The following FRYL variants were observed in gnomAD, a reference collection of about 807,000 sequenced individuals.
FRYL encodes protein furry homolog-like.
A neutral mutation model predicts 351.2 loss-of-function variants in FRYL; 150 were observed. That is an observed-to-expected ratio of 0.43 (90% confidence interval 0.37 to 0.49). The LOEUF is 0.49. FRYL is among the 20% of genes least tolerant of loss of function. The pLI is 0.00. For missense variants in FRYL, 3,036 were observed against 3,619.3 expected, an observed-to-expected ratio of 0.84 and a Z score of 4.13; for synonymous variants, 1,153 against 1,257.1, an observed-to-expected ratio of 0.92 and a Z score of 1.75.
In FRYL at chr4:48,671,097, C is replaced by A. The variant is rs559752363; in HGVS notation, c.-81+13576G>T. Among the ~76,000 whole-genome samples, 27 of 152,270 alleles carry A rather than the reference C, an allele frequency of 1.8e-4. 1 individual carries two copies. In the South Asian group the frequency reaches 5.4e-3, roughly 30 times the overall value. ...TACAAGGGTTCGCTTTTCTCCACAT[C>A]CTCACCAGCGTTTGTTACTGCCTGT... On this transcript the variant is annotated intron_variant, in intron 3 of 63. Transcript: ENST00000358350.
intron 2 of FRYL, among the ~76,000 whole-genome samples, chr4:48,690,196 C>A (rs1272972250): frequency 6.6e-6 from 1 of 151,944 alleles, no homozygotes; most frequent in Non-Finnish European, 1.5e-5. Flanking sequence ...TGAGCCACCG[C>A]GCCCGGCCAG....
At chr4:48,596,087 A>G (rs1744524682) in intron 13 of FRYL, 87 bp from the exon 14 acceptor site, 1 of 862,948 alleles carries the variant, frequency 1.2e-6, no homozygotes, top group Non-Finnish European at 1.8e-6. Flanking sequence ...ACTAAAAGCC[A>G]ATCTTTTTTG....
chr4:48,672,887 C>A (rs1316642708), intron 3 of FRYL, among the ~76,000 whole-genome samples: 1 of 152,182 alleles, frequency 6.6e-6, no homozygotes, highest in Non-Finnish European at 1.5e-5. Flanking sequence ...TTCCTCTACC[C>A]AACATTAAGA....
At chr4:48,777,292 C>T (rs1329442443) in intron 1 of FRYL, among the ~76,000 whole-genome samples, 4 of 152,154 alleles carry the variant, frequency 2.6e-5, no homozygotes, top group African/African-American at 7.2e-5. Flanking sequence ...GAACAAAGAA[C>T]CTCTAGATTG....
chr4:48,557,682 G>A lies in FRYL; in HGVS notation c.3896C>T (p.Pro1299Leu). The A allele has an allele frequency of 6.2e-7, 1 of 1,614,128 alleles. No homozygotes were observed. Among genetic ancestry groups the A allele is most frequent in the Non-Finnish European group, 8.5e-7 (1 of 1,180,002 alleles). Residue 1299 changes from proline to leucine, a missense_variant, in exon 34 of 64, where the codon CCT (proline) becomes CTT (leucine). Pro to Leu is a moderately conservative substitution (Grantham distance 98). This residue lies in a region of FRYL where 1,987 missense variants were observed against 2,311.7 expected (regional missense o/e 0.86). Coordinates refer to ENST00000358350, the MANE Select transcript of FRYL (RefSeq NM_015030.2). The part of the protein sequence containing the change: ...EISQRIQTAH[P>L]AGRQVMLHYL... ...GTGCAGCATCACCTGCCGCCCAGCA[G>A]GGTGAGCTGTCTGGATTCTCTGGCT...
chr4:48,708,575 G>A lies in FRYL; in HGVS notation c.-204+1944C>T, dbSNP rs1367179197. The stretch of plus-strand genomic sequence containing the variant: ...TATAAAAAGATGTATATATCCGCAA[G>A]GTTATGCATTTATATTATACCATTT... On this transcript the variant is annotated intron_variant, in intron 2 of 63. Coordinates refer to ENST00000358350, the MANE Select transcript of FRYL (RefSeq NM_015030.2). Among the ~76,000 whole-genome samples the A allele has an allele frequency of 3.3e-5, 5 of 152,284 alleles. No homozygotes were observed. The East Asian group carries it at 9.6e-4, about 29-fold the overall frequency.
chr4:48,527,686 A>C, intron 52 of FRYL, 33 bp from the exon 53 acceptor site: 1 of 1,574,124 alleles, frequency 6.4e-7, no homozygotes, highest in Non-Finnish European at 8.6e-7. Flanking sequence ...AAAAAAGTCC[A>C]TCCATCAGAT....
intron 12 of FRYL, among the ~76,000 whole-genome samples, chr4:48,602,685 A>G (rs770051919): frequency 3.9e-5 from 6 of 152,156 alleles, no homozygotes; most frequent in Admixed American, 6.6e-5. Context: ...AACTTTCTCC[A>G]AGCTACGTAA....
At chr4:48,544,136 T>C (rs7683398) in intron 43 of FRYL, 139 bp from the exon 44 acceptor site, 329,417 of 667,630 alleles carry the variant, frequency 0.49, 83,184 homozygotes, top group South Asian at 0.61. Context: ...TGCTTTTTCT[T>C]TGCTTAAACT....
At chr4:48,610,685 TTATATACA>T (rs2149281372) in intron 7 of FRYL, among the ~76,000 whole-genome samples, 1 of 146,142 alleles carries the variant, frequency 6.8e-6, no homozygotes, top group Non-Finnish European at 1.5e-5. Context: ...ATATTATATA[TTATATACA>T]TATATTATAT....
intron 45 of FRYL, among the ~76,000 whole-genome samples, chr4:48,541,445 AAAGG>A (rs1178103141): frequency 4.6e-5 from 7 of 152,208 alleles, no homozygotes; most frequent in Admixed American, 2.6e-4. Flanking sequence ...GCTGTATAGA[AAAGG>A]AAGGAATATT....
rs777796597 is a variant in FRYL, at chr4:48,575,254, T to A, written c.2722-13A>T. The stretch of plus-strand genomic sequence containing the variant: ...GGATGCCAATAATCTGGAAAAAAAA[T>A]ATCGTATTTGTAACAGCCACTAATG... On this transcript the variant is annotated splice_polypyrimidine_tract_variant and intron_variant, in intron 24 of 63. Coordinates refer to ENST00000358350, the MANE Select transcript of FRYL (RefSeq NM_015030.2). 9.3e-6 allele frequency: 15 copies of A among 1,611,810 alleles called. No individual in the cohort carries two copies. In the African/African-American group the frequency reaches 1.5e-4, roughly 16 times the overall value.
intron 2 of FRYL, among the ~76,000 whole-genome samples, chr4:48,687,255 T>C (rs1042873855): frequency 6.6e-6 from 1 of 152,148 alleles, no homozygotes; most frequent in Non-Finnish European, 1.5e-5. Flanking sequence ...GGTCATGCTA[T>C]ACAAATAACC....
Position 48,590,670 on chromosome 4 carries a change from G to T in FRYL, c.1496C>A (p.Ala499Glu). ...FLNKTLTDEE[A>E]KVIGMSVYYP... ...TCAATTAAACTAACCTATGACTTTT[G>T]CTTCTTCATCTGTCAAGGTTTTATT... Residue 499 changes from alanine to glutamate, a missense_variant, in exon 17 of 64, where the codon GCA becomes GAA. Around this residue, in one of 7 missense-constraint regions of FRYL, gnomAD observed 78 missense variants for 106.6 expected, o/e 0.73. Coordinates refer to ENST00000358350, the MANE Select transcript of FRYL (RefSeq NM_015030.2). 1 of 1,603,374 alleles carries T rather than the reference G, an allele frequency of 6.2e-7. No homozygotes were observed. The highest frequency in any genetic ancestry group is 8.5e-7 in the Non-Finnish European group (1 of 1,172,976).
At chr4:48,716,150 T>G (rs1299395238) in intron 1 of FRYL, among the ~76,000 whole-genome samples, 2 of 152,062 alleles carry the variant, frequency 1.3e-5, no homozygotes, top group African/African-American at 2.4e-5. Context: ...ACTTAAACGT[T>G]AGACCTAAAA....
At chr4:48,535,202 T>C (rs1335066991) in intron 48 of FRYL, among the ~76,000 whole-genome samples, 1 of 152,162 alleles carries the variant, frequency 6.6e-6, no homozygotes, top group Non-Finnish European at 1.5e-5. Flanking sequence ...TTGTATGCTG[T>C]AATTATTATT....
intron 1 of FRYL, among the ~76,000 whole-genome samples, chr4:48,748,953 A>T (rs1173918692): frequency 2.0e-5 from 3 of 152,234 alleles, no homozygotes; most frequent in African/African-American, 7.2e-5. Context: ...GGTGGACATC[A>T]GGAGTAAGAA....
chr4:48,624,540 C>A (rs1483507062), intron 4 of FRYL, among the ~76,000 whole-genome samples: 1 of 152,146 alleles, frequency 6.6e-6, no homozygotes, highest in African/African-American at 2.4e-5. Flanking sequence ...AAAGAGGCTT[C>A]CCCCAGTAGA....
rs1310122003 is a variant in FRYL at position 48,549,571 on chromosome 4, G to A, written c.4686C>T (p.Asn1562=). 3 of 1,613,380 alleles carry A rather than the reference G, an allele frequency of 1.9e-6. No individual in the cohort carries two copies. Among genetic ancestry groups the A allele is most frequent in the East Asian group, 2.2e-5 (1 of 44,876 alleles). Reference sequence around the variant, plus strand: ...GTGGGAAGGGCAGTGGCTCTCCTTGGTTATGCTCCATCACTTTCAGTCGCC... The same window carrying A: ...GTGGGAAGGGCAGTGGCTCTCCTTGATTATGCTCCATCACTTTCAGTCGCC... ...SNWRLKVMEH[N]QGEPLPFPPA... Residue 1562 remains asparagine (N), a synonymous_variant, in exon 39 of 64, where the codon AAC becomes AAT. Transcript: ENST00000358350. This position sits in a 1 kb window ranked among gnomAD's most constrained non-coding sequence, Gnocchi z 4.2.
Sources: gnomAD v4.1 joint callset for allele counts (sites outside exome capture counted in the v4.1 genomes callset) on GRCh38, gnomAD v4.1.1 for gene constraint, gnomAD v4.1.1 regional missense constraint, Gnocchi (gnomAD v3.1) non-coding constraint, MANE v1.5 for transcripts, NCBI Gene and HGNC (gene_info 2026-07-23, HGNC 2026-07-21) for gene names.